Variants in ZNF704 observed in about 807,000 individuals in gnomAD.
The protein encoded by ZNF704 is glucocorticoid induced gene 1.
Under a neutral mutation model 44.7 loss-of-function variants are expected in ZNF704, and 10 were observed. The observed-to-expected ratio is 0.22, with a 90% CI of 0.14 to 0.38. The LOEUF (loss-of-function observed/expected upper bound fraction) is 0.38, where lower values mean the gene tolerates loss of function less well. ZNF704 is among the 10% of genes least tolerant of loss of function. The pLI is 1.00. For synonymous variants in ZNF704, 211 were observed against 207.6 expected (o/e 1.02, Z -0.14); for missense variants, 390 against 545.5 (o/e 0.71, Z 2.84).
intron 2 of ZNF704, among the ~76,000 whole-genome samples, chr8:80,786,786 C>T (rs537873248): frequency 1.3e-5 from 2 of 152,166 alleles, no homozygotes; most frequent in Admixed American, 6.5e-5. Context: ...CTGGACTCAC[C>T]GATAGCCCAG....
chr8:80,647,863 G>T (rs946656748), intron 7 of ZNF704, among the ~76,000 whole-genome samples: 1 of 152,230 alleles, frequency 6.6e-6, no homozygotes, highest in Non-Finnish European at 1.5e-5. Flanking sequence ...CAGGAACAGG[G>T]TTTGAGGGAC....
chr8:80,647,701 T>C (rs1817855365), intron 7 of ZNF704, among the ~76,000 whole-genome samples: 1 of 152,148 alleles, frequency 6.6e-6, no homozygotes, highest in Non-Finnish European at 1.5e-5. Flanking sequence ...AAATTGCATC[T>C]CTAGATGAAT....
chr8:80,832,161 TAGA>T (rs982961171), intron 1 of ZNF704, among the ~76,000 whole-genome samples: 2 of 152,190 alleles, frequency 1.3e-5, no homozygotes, highest in African/African-American at 4.8e-5. Context: ...TTTGTTTTCC[TAGA>T]AGAAGATAAA....
rs146404242 is a variant in ZNF704, at chr8:80,680,094, T to C, written c.558+7132A>G. Among the ~76,000 whole-genome samples the C allele has an allele frequency of 6.0e-3, 918 of 152,236 alleles. 9 individuals carry two copies. The highest frequency in any genetic ancestry group is 0.021 in the African/African-American group (889 of 41,516). On this transcript the variant is annotated intron_variant, in intron 4 of 8. Transcript: ENST00000327835. The stretch of plus-strand genomic sequence containing the variant: ...GGTTTCATACTTGGAATATACGAAG[T>C]AGCTTCTATTTTCTTGACAGAACCC...
chr8:80,851,230 C>T (rs530156155), intron 1 of ZNF704, among the ~76,000 whole-genome samples: 1 of 152,158 alleles, frequency 6.6e-6, no homozygotes, highest in South Asian at 2.1e-4. Context: ...CGTATATACC[C>T]AAAGGATTAT....
intron 2 of ZNF704, chr8:80,777,019 G>C (rs1251222173): frequency 6.6e-6 from 1 of 151,962 alleles, no homozygotes; most frequent in Non-Finnish European, 1.5e-5. Flanking sequence ...CTCATTCACT[G>C]TAATTCTGCA....
chr8:80,647,304 C>A (rs1157448866), intron 7 of ZNF704, among the ~76,000 whole-genome samples: 1 of 152,114 alleles, frequency 6.6e-6, no homozygotes, highest in Admixed American at 6.5e-5. Flanking sequence ...GAGGAGGTTA[C>A]CTTTCACCTA....
intron 1 of ZNF704, among the ~76,000 whole-genome samples, chr8:80,828,753 G>C (rs1472106620): frequency 6.6e-6 from 1 of 152,158 alleles, no homozygotes; most frequent in Non-Finnish European, 1.5e-5. Context: ...GACTGGTAAA[G>C]GAAGGTATTA....
chr8:80,806,664 G>T (rs1441730644), intron 2 of ZNF704, among the ~76,000 whole-genome samples: 1 of 152,094 alleles, frequency 6.6e-6, no homozygotes, highest in African/African-American at 2.4e-5. Flanking sequence ...TTCTGAACAG[G>T]ACCAAATGGA....
intron 2 of ZNF704, among the ~76,000 whole-genome samples, chr8:80,818,436 A>C: frequency 6.6e-6 from 1 of 152,186 alleles, no homozygotes; most frequent in East Asian, 1.9e-4. Flanking sequence ...AAATCAGCAG[A>C]TGCTCAAGTC....
intron 2 of ZNF704, among the ~76,000 whole-genome samples, chr8:80,714,827 T>C (rs1350404861): frequency 6.6e-6 from 1 of 152,140 alleles, no homozygotes; most frequent in East Asian, 1.9e-4. Context: ...AGGGCCAGGA[T>C]TGTGATCTTT....
intron 2 of ZNF704, among the ~76,000 whole-genome samples, chr8:80,789,599 A>G (rs1242119980): frequency 6.6e-6 from 1 of 152,038 alleles, no homozygotes; most frequent in African/African-American, 2.4e-5. Flanking sequence ...TTGTTTTTAA[A>G]AAATTGGCCA....
chr8:80,659,527 TA>T (rs1818065865), intron 7 of ZNF704, 57 bp downstream of exon 7: 38 of 1,431,320 alleles, frequency 2.7e-5, no homozygotes, highest in South Asian at 2.2e-4. Flanking sequence ...ATTTGTTCGC[TA>T]AATTTAGTCT....
chr8:80,724,269 CA>C (rs1487994147), intron 2 of ZNF704, among the ~76,000 whole-genome samples: 9 of 152,140 alleles, frequency 5.9e-5, no homozygotes, highest in Non-Finnish European at 1.2e-4. Flanking sequence ...TTTAGGGAGT[CA>C]AAGATGGTGT....
intron 2 of ZNF704, among the ~76,000 whole-genome samples, chr8:80,815,616 A>G (rs1427274956): frequency 1.3e-5 from 2 of 152,246 alleles, no homozygotes; most frequent in East Asian, 1.9e-4. Flanking sequence ...ATGGTCTCCA[A>G]TAAACACAAA....
intron 1 of ZNF704, among the ~76,000 whole-genome samples, chr8:80,830,412 C>G (rs1181936088): frequency 6.6e-6 from 1 of 152,068 alleles, no homozygotes; most frequent in African/African-American, 2.4e-5. Context: ...TATGAGATTT[C>G]CAGAAAAGGC....
chr8:80,764,927 T>C (rs969486487), intron 2 of ZNF704, among the ~76,000 whole-genome samples: 2 of 152,268 alleles, frequency 1.3e-5, no homozygotes, highest in Middle Eastern at 3.4e-3. Context: ...TCCAGGGAGA[T>C]GGAACCAATA....
intron 2 of ZNF704, among the ~76,000 whole-genome samples, chr8:80,745,314 G>A (rs1039134811): frequency 6.6e-6 from 1 of 151,974 alleles, no homozygotes; most frequent in Non-Finnish European, 1.5e-5. Flanking sequence ...TGTTATCGTT[G>A]GCTATATTAA....
chr8:80,682,769 C>T (rs369152311), intron 4 of ZNF704, among the ~76,000 whole-genome samples: 6 of 152,344 alleles, frequency 3.9e-5, no homozygotes, highest in African/African-American at 9.6e-5. Context: ...TAGCAGCTAA[C>T]ATTTATTGCT....
Sources: gnomAD v4.1 joint callset for allele counts (sites outside exome capture counted in the v4.1 genomes callset) on GRCh38, gnomAD v4.1.1 for gene constraint, MANE v1.5 for transcripts, NCBI Gene and HGNC (gene_info 2026-07-23, HGNC 2026-07-21) for gene names.